Variants in ZBTB16 observed in about 807,000 individuals in gnomAD.
The protein encoded by ZBTB16 is zinc finger and BTB domain containing 16.
ZBTB16 carries 8 observed loss-of-function variants against 56.8 expected under a neutral mutation model. The observed-to-expected ratio is 0.14, with a 90% confidence interval of 0.08 to 0.25. The LOEUF is 0.25. Ranked by LOEUF, ZBTB16 falls within the 10% of genes least tolerant of loss-of-function variation. ZBTB16 has a pLI of 1.00. For missense variants in ZBTB16, 625 were observed against 903.0 expected (o/e 0.69, Z 3.95); for synonymous variants, 363 against 368.5 (o/e 0.98, Z 0.17).
At chr11:114,240,899 G>A (rs1944688576) in intron 4 of ZBTB16, among the ~76,000 whole-genome samples, 1 of 152,184 alleles carries the variant, frequency 6.6e-6, no homozygotes, top group South Asian at 2.1e-4. Context: ...TAAATCTCTT[G>A]ACGTGGTTTG....
rs1004853285 is a variant in ZBTB16 at position 114,211,621 on chromosome 11, T to C, written c.1453+24583T>C. Among the ~76,000 whole-genome samples, 9 of 152,316 alleles carry C rather than the reference T, an allele frequency of 5.9e-5. No individual in the cohort carries two copies. The East Asian group carries it at 1.7e-3, about 29-fold the overall frequency. On this transcript the variant is annotated intron_variant, in intron 4 of 6. Coordinates refer to ENST00000335953, the MANE Select transcript of ZBTB16 (RefSeq NM_006006.6). ...CTTCCCCAGGTCCTGGTTGGCTCCCTTCCCCCTCCCCCGCATTGGGGTGTT... is the reference window on the plus strand; with the variant it reads ...CTTCCCCAGGTCCTGGTTGGCTCCCCTCCCCCTCCCCCGCATTGGGGTGTT...
intron 3 of ZBTB16, among the ~76,000 whole-genome samples, chr11:114,159,998 C>T (rs1459980627): frequency 6.7e-6 from 1 of 149,418 alleles, no homozygotes; most frequent in African/African-American, 2.5e-5. Context: ...AGTCCAGGAT[C>T]TGGGTAGGGG....
intron 5 of ZBTB16, among the ~76,000 whole-genome samples, chr11:114,244,976 C>T (rs1591812540): frequency 6.6e-6 from 1 of 152,288 alleles, no homozygotes; most frequent in South Asian, 2.1e-4. Context: ...AATGAGGATA[C>T]TGAATCTTTG....
In ZBTB16 at chr11:114,068,371, G is replaced by A. The variant is rs559202977; in HGVS notation, c.1268+3803G>A. Among the ~76,000 whole-genome samples the A allele has an allele frequency of 9.2e-5, 14 of 152,316 alleles. No homozygotes were observed. In the South Asian group the frequency reaches 2.7e-3, roughly 29 times the overall value. ...TGATTTGATCCCAAGCTGGTGTGGA[G>A]TGAAGGGTAAGCTGTTGGCTCAACA... On this transcript the variant is annotated intron_variant, in intron 2 of 6. Transcript: ENST00000335953.
At chr11:114,233,270 G>T (rs435562) in intron 4 of ZBTB16, among the ~76,000 whole-genome samples, 5 of 151,566 alleles carry the variant, frequency 3.3e-5, no homozygotes, top group Non-Finnish European at 7.4e-5. Context: ...AGGTACCAGC[G>T]GAGGATATTA....
intron 4 of ZBTB16, among the ~76,000 whole-genome samples, chr11:114,229,326 G>C (rs184261868): frequency 6.6e-6 from 1 of 152,338 alleles, no homozygotes; most frequent in Non-Finnish European, 1.5e-5. Flanking sequence ...TGGCTGGCTT[G>C]TCTGATTAAA....
intron 2 of ZBTB16, among the ~76,000 whole-genome samples, chr11:114,090,325 T>A (rs1277155090): frequency 2.0e-5 from 3 of 152,198 alleles, no homozygotes; most frequent in African/African-American, 7.2e-5. Context: ...GTCCTGGTTC[T>A]ATTCCCAGGG....
chr11:114,186,629 TC>T (rs60542657), intron 3 of ZBTB16, among the ~76,000 whole-genome samples: 87,843 of 151,524 alleles, frequency 0.58, 25,992 homozygotes, highest in African/African-American at 0.69. Context: ...TTTTCTCCTG[TC>T]CCCCCCATCA....
intron 4 of ZBTB16, among the ~76,000 whole-genome samples, chr11:114,197,455 GTCTC>G (rs753105328): frequency 2.0e-5 from 3 of 151,836 alleles, no homozygotes; most frequent in Admixed American, 1.3e-4. Context: ...CTCTCTCTTT[GTCTC>G]TCTCTCTCTC....
intron 4 of ZBTB16, among the ~76,000 whole-genome samples, chr11:114,241,791 G>A (rs57399017): frequency 0.092 from 13,967 of 151,986 alleles, 2,107 homozygotes; most frequent in African/African-American, 0.31. Context: ...GTTTTTTCTC[G>A]CAGGGTCTAC....
At position 114,252,662 on chromosome 11, in the gene ZBTB16, GA is replaced by G. The variant is rs1421679937; in HGVS notation, c.*2110del. ...TTTTTTCTTTCCTTTCTCTCTCTGA[GA>G]AAGTTGTGGCTGCGTTTTGATCTTA... On this transcript the variant is annotated 3_prime_UTR_variant, in exon 7 of 7. Coordinates refer to ENST00000335953, the MANE Select transcript of ZBTB16 (RefSeq NM_006006.6). 6.6e-6 allele frequency among the ~76,000 whole-genome samples: 1 copy of G among 152,110 alleles called. No homozygotes were observed. Among genetic ancestry groups the G allele is most frequent in the East Asian group, 1.9e-4 (1 of 5,196 alleles).
At chr11:114,142,815 G>A (rs774032676) in intron 2 of ZBTB16, among the ~76,000 whole-genome samples, 14 of 152,180 alleles carry the variant, frequency 9.2e-5, no homozygotes, top group South Asian at 6.2e-4. Flanking sequence ...GTTATGGCCC[G>A]TTTAAAAAAG....
chr11:114,102,672 C>T (rs73000959), intron 2 of ZBTB16, among the ~76,000 whole-genome samples: 14,423 of 151,822 alleles, frequency 0.095, 1,153 homozygotes, highest in African/African-American at 0.22. Flanking sequence ...TGCTGATAGC[C>T]CAGGCGTTGG....
chr11:114,083,390 T>C (rs1939843962), intron 2 of ZBTB16, among the ~76,000 whole-genome samples: 1 of 152,166 alleles, frequency 6.6e-6, no homozygotes, highest in Non-Finnish European at 1.5e-5. Flanking sequence ...GGAGGCTAGC[T>C]TTAAGAAATT....
intron 4 of ZBTB16, among the ~76,000 whole-genome samples, chr11:114,223,208 T>C (rs390538): frequency 0.28 from 42,547 of 152,198 alleles, 6,054 homozygotes; most frequent in East Asian, 0.34. Context: ...TGGGTAGCAC[T>C]GCACTGAGTA....
chr11:114,164,517 T>C (rs1233674034), intron 3 of ZBTB16, among the ~76,000 whole-genome samples: 1 of 152,222 alleles, frequency 6.6e-6, no homozygotes, highest in Admixed American at 6.5e-5. Context: ...CTTGTTATTG[T>C]CTGAGGATGA....
Position 114,250,173 on chromosome 11 carries a change from G to A in ZBTB16, c.1793-153G>A, listed in dbSNP as rs183489816. On this transcript the variant is annotated intron_variant, in intron 6 of 6. Transcript: ENST00000335953. This position sits in a 1 kb window ranked among gnomAD's most constrained non-coding sequence, Gnocchi z 6.0. ...TAGCCATGTGTGACTGGTGGCTGCC[G>A]TCTTGGGTGGTGCCTTCATTGTCCC... Among the ~76,000 whole-genome samples, 32 of 152,302 alleles carry A rather than the reference G, an allele frequency of 2.1e-4. No individual in the cohort carries two copies. Among genetic ancestry groups the A allele is most frequent in the East Asian group, 1.5e-3 (8 of 5,180 alleles).
At chr11:114,134,131 T>C (rs552903803) in intron 2 of ZBTB16, among the ~76,000 whole-genome samples, 14 of 152,314 alleles carry the variant, frequency 9.2e-5, no homozygotes, top group African/African-American at 3.1e-4. Flanking sequence ...ATAATCTGAA[T>C]GTGGGCTCCA....
At chr11:114,179,894 G>T (rs1943206375) in intron 3 of ZBTB16, among the ~76,000 whole-genome samples, 1 of 152,164 alleles carries the variant, frequency 6.6e-6, no homozygotes, top group African/African-American at 2.4e-5. Flanking sequence ...GGAGAGGGCA[G>T]CTGCAGGGAG....
Sources: allele counts gnomAD v4.1 joint callset (sites outside exome capture counted in the v4.1 genomes callset), GRCh38; gene constraint gnomAD v4.1.1; non-coding constraint Gnocchi (gnomAD v3.1); transcripts MANE v1.5; gene names NCBI Gene and HGNC (gene_info 2026-07-23, HGNC 2026-07-21).